Variants in FCGR2A observed in about 807,000 individuals in gnomAD.
FCGR2A encodes the protein low affinity immunoglobulin gamma Fc region receptor II-a.
A neutral mutation model predicts 29.3 loss-of-function variants in FCGR2A; 18 were observed. That is an observed-to-expected ratio of 0.62 (90% CI 0.43 to 0.91). The LOEUF is 0.91. Ranked by LOEUF, FCGR2A falls within the 40% of genes least tolerant of loss-of-function variation. FCGR2A has a pLI of 0.00. For missense variants in FCGR2A, 287 were observed against 393.0 expected (o/e 0.73, Z 2.28); for synonymous variants, 126 against 144.8 (o/e 0.87, Z 0.93).
At chr1:161,512,665 T>A (rs1444785535) in intron 5 of FCGR2A, among the ~76,000 whole-genome samples, 4 of 151,550 alleles carry the variant, frequency 2.6e-5, no homozygotes, top group Non-Finnish European at 5.9e-5. Flanking sequence ...GGGGCTTCCA[T>A]GACAGTAGGA....
intron 2 of FCGR2A, 104 bp downstream of exon 2, chr1:161,506,111 C>A: frequency 1.5e-6 from 2 of 1,363,060 alleles, no homozygotes; most frequent in South Asian, 1.2e-5. Flanking sequence ...CACTGAAAAT[C>A]AAGCTTGGGT....
chr1:161,515,240 A>G (rs1676074362), intron 6 of FCGR2A, among the ~76,000 whole-genome samples: 1 of 152,244 alleles, frequency 6.6e-6, no homozygotes, highest in Non-Finnish European at 1.5e-5. Context: ...TGTGCTAATA[A>G]GAAAGTATTC....
At chr1:161,509,567 A>T (rs912173476) in intron 3 of FCGR2A, among the ~76,000 whole-genome samples, 1 of 152,226 alleles carries the variant, frequency 6.6e-6, no homozygotes, top group African/African-American at 2.4e-5. Context: ...CAAACGTAGT[A>T]TTTTAAATTC....
Position 161,519,127 on chromosome 1 carries a change from G to A in FCGR2A, c.*979G>A, listed in dbSNP as rs1676330282. 2 of 157,104 alleles carry A rather than the reference G, an allele frequency of 1.3e-5. No homozygotes were observed. Among genetic ancestry groups the A allele is most frequent in the Admixed American group, 6.4e-5 (1 of 15,534 alleles). The allele number at this position is 157,104 out of a possible 1,614,324, so 9.7% of individuals were successfully genotyped here. A position where few individuals can be genotyped will look rare whatever the true frequency, so the allele number is the denominator to read the frequency against. ...AGAGAATTAGAGAGGTGAGGATCTG[G>A]TATTTCCTGGACTAAATTCCCCTTG... On this transcript the variant is annotated 3_prime_UTR_variant, in exon 7 of 7. Coordinates refer to ENST00000271450, the MANE Select transcript of FCGR2A (RefSeq NM_001136219.3).
At chr1:161,522,440 G>A (rs1676490550), downstream of FCGR2A, among the ~76,000 whole-genome samples, 1 of 152,050 alleles carries the variant, frequency 6.6e-6, no homozygotes, top group African/African-American at 2.4e-5. Context: ...TTGGAGATGA[G>A]TGGGTAAGTG....
intron 1 of FCGR2A, 55 bp downstream of exon 1, chr1:161,505,607 C>T: frequency 7.3e-7 from 1 of 1,377,666 alleles, no homozygotes; most frequent in Non-Finnish European, 1.0e-6. Context: ...ACTGCCTGGA[C>T]TCCAGGTACC....
chr1:161,509,966 A>G lies in FCGR2A; in HGVS notation c.511A>G (p.Thr171Ala), dbSNP rs1557831544. The G allele has an allele frequency of 6.2e-7, 1 of 1,613,880 alleles. No homozygotes were observed. The highest frequency in any genetic ancestry group is 1.3e-5 in the African/African-American group (1 of 74,988). The change falls in exon 4 of 7, where the codon ACC (threonine) becomes GCC (alanine). Residue 171 changes from threonine (T) to alanine (A), a missense_variant. Transcript: ENST00000271450. ...KSQKFSHLDP[T>A]FSIPQANHSH... is the part of the protein sequence containing the mutation. Reference sequence around the variant, plus strand: ...CCAGAAATTCTCCCATTTGGATCCCACCTTCTCCATCCCACAAGCAAACCA... The same window carrying G: ...CCAGAAATTCTCCCATTTGGATCCCGCCTTCTCCATCCCACAAGCAAACCA...
intron 3 of FCGR2A, among the ~76,000 whole-genome samples, chr1:161,507,944 G>T (rs1239812833): frequency 6.6e-6 from 1 of 151,868 alleles, no homozygotes; most frequent in Admixed American, 6.6e-5. Flanking sequence ...AAATTAGCCG[G>T]GCATGGTGGC....
intron 5 of FCGR2A, among the ~76,000 whole-genome samples, chr1:161,512,884 G>A (rs1373224002): frequency 1.3e-5 from 2 of 152,228 alleles, no homozygotes; most frequent in African/African-American, 2.4e-5. Flanking sequence ...CAAAGTCCAA[G>A]CAACTGGATT....
intron 1 of FCGR2A, 114 bp from the exon 2 acceptor site, chr1:161,505,873 T>A: frequency 1.0e-6 from 1 of 971,548 alleles, no homozygotes; most frequent in Non-Finnish European, 1.7e-6. Flanking sequence ...GATCTTGAGA[T>A]GGGTCCTGGA....
downstream of FCGR2A, among the ~76,000 whole-genome samples, chr1:161,521,359 C>A (rs1467019336): frequency 2.0e-5 from 3 of 151,848 alleles, no homozygotes; most frequent in Non-Finnish European, 4.4e-5. Flanking sequence ...AATTCTTTGA[C>A]GTTTGAAATC....
chr1:161,509,804 T>A lies in FCGR2A; in HGVS notation c.365-16T>A. On this transcript the variant is annotated splice_polypyrimidine_tract_variant and intron_variant, in intron 3 of 6. Transcript: ENST00000271450. ...CTATCCTTACAACTTTTTCTTATCA[T>A]ATTTGTGTCTTTCAGAATGGCTGGT... 6.2e-7 allele frequency: 1 copy of A among 1,614,046 alleles called. No homozygotes were observed. The highest frequency in any genetic ancestry group is 8.5e-7 in the Non-Finnish European group (1 of 1,179,944).
chr1:161,505,949 T>C, intron 1 of FCGR2A, 38 bp from the exon 2 acceptor site: 1 of 1,612,752 alleles, frequency 6.2e-7, no homozygotes, highest in South Asian at 1.1e-5. Context: ...AGCCGTGTTC[T>C]CCTGCTCGAC....
chr1:161,509,897 G>A lies in FCGR2A; in HGVS notation c.442G>A (p.Asp148Asn), dbSNP rs1280366000. ...TIMLRCHSWK[D>N]KPLVKVTFFQ... ...CATGCTGAGGTGCCACAGCTGGAAG[G>A]ACAAGCCTCTGGTCAAGGTCACATT... The change falls in exon 4 of 7, where the codon GAC (aspartate) becomes AAC (asparagine). Residue 148 changes from aspartate (D) to asparagine (N), a missense_variant. Asp to Asn is a conservative substitution (Grantham distance 23). This residue lies in a region of FCGR2A where 181 missense variants were observed against 250.9 expected (regional missense o/e 0.72). Transcript: ENST00000271450. 3 of 1,614,206 alleles carry A rather than the reference G, an allele frequency of 1.9e-6. No homozygotes were observed. Among genetic ancestry groups the A allele is most frequent in the Non-Finnish European group, 2.5e-6 (3 of 1,180,032 alleles).
At chr1:161,520,569 C>T (rs1571991568), downstream of FCGR2A, among the ~76,000 whole-genome samples, 1 of 151,542 alleles carries the variant, frequency 6.6e-6, no homozygotes, top group African/African-American at 2.4e-5. Context: ...TATGTAAAGC[C>T]TTGTTAAATC....
At chr1:161,506,770 A>G in intron 3 of FCGR2A, 179 bp downstream of exon 3, 1 of 1,226,048 alleles carries the variant, frequency 8.2e-7, no homozygotes, top group Non-Finnish European at 1.1e-6. Context: ...TGGTGGGGGA[A>G]GGGGGAATTT....
At chr1:161,510,377 G>A (rs1675691537) in intron 4 of FCGR2A, 2 of 617,932 alleles carry the variant, frequency 3.2e-6, no homozygotes, top group African/African-American at 3.7e-5. Flanking sequence ...TAAGCTCCTG[G>A]GCATTCCTAA....
intron 2 of FCGR2A, 135 bp downstream of exon 2, chr1:161,506,142 A>G (rs1160744911): frequency 3.6e-5 from 45 of 1,267,224 alleles, no homozygotes; most frequent in Non-Finnish European, 4.5e-5. Flanking sequence ...CAGTTCCCCC[A>G]TTTTAGTGGG....
In FCGR2A at chr1:161,510,860, A is replaced by G. The variant is rs369728370; in HGVS notation, c.646A>G (p.Met216Val). 1.6e-5 allele frequency: 26 copies of G among 1,614,024 alleles called. No individual in the cohort carries two copies. The highest frequency in any genetic ancestry group is 2.2e-5 in the South Asian group (2 of 91,092). Residue 216 changes from methionine to valine, a missense_variant, in exon 5 of 7, where the codon ATG becomes GTG. By Grantham distance (21) the Met-to-Val change is conservative. This residue lies in a region of FCGR2A where 72 missense variants were observed against 68.6 expected (regional missense o/e 1.05). Coordinates refer to ENST00000271450, the MANE Select transcript of FCGR2A (RefSeq NM_001136219.3). The stretch of plus-strand genomic sequence containing the variant: ...GCCCAGCATGGGCAGCTCTTCACCA[A>G]TGGGGATCATTGTGGCTGTGGTCAT... ...QVPSMGSSSPMGIIVAVVIAT... is the reference protein window; with the variant it reads ...QVPSMGSSSPVGIIVAVVIAT...
Sources: allele counts gnomAD v4.1 joint callset (sites outside exome capture counted in the v4.1 genomes callset), GRCh38; gene constraint gnomAD v4.1.1; regional missense constraint gnomAD v4.1.1; transcripts MANE v1.5; gene names NCBI Gene and HGNC (gene_info 2026-07-23, HGNC 2026-07-21).